The following FAT3 variants were observed in gnomAD, a reference collection of about 807,000 sequenced individuals.
The protein encoded by FAT3 is protocadherin Fat 3.
Under a neutral mutation model 310.2 loss-of-function variants are expected in FAT3, and 95 were observed. The ratio of observed to expected loss-of-function variants is 0.31; its 90% CI spans 0.26 to 0.36. The LOEUF is 0.36. Among genes scored for constraint, FAT3 ranks in the 10% least tolerant of loss-of-function variants. The pLI, the probability that FAT3 is intolerant of heterozygous loss-of-function variation, is 1.00. For synonymous variants in FAT3, 2,314 were observed against 2,192.9 expected (o/e 1.06, Z -1.54); for missense variants, 5,408 against 5,715.6 (o/e 0.95, Z 1.74).
Position 92,266,219 on chromosome 11 carries a change from A to C in FAT3, c.-18+41045A>C, listed in dbSNP as rs188627138. Among the ~76,000 whole-genome samples the C allele has an allele frequency of 3.2e-4, 48 of 152,304 alleles. No individual in the cohort carries two copies. The East Asian group carries it at 8.7e-3, about 28-fold the overall frequency. On this transcript the variant is annotated intron_variant, in intron 1 of 27. Transcript: ENST00000525166. ...AGACATTTCTCTTCGAAATTCATTGAAGTAGCTCTCTGAGCCATTCATATG... is the reference window on the plus strand; with the variant it reads ...AGACATTTCTCTTCGAAATTCATTGCAGTAGCTCTCTGAGCCATTCATATG...
intron 3 of FAT3, among the ~76,000 whole-genome samples, chr11:92,652,210 T>TGGCAGCCA (rs1184072783): frequency 1.2e-5 from 1 of 83,378 alleles, no homozygotes; most frequent in East Asian, 3.9e-4. Context: ...TCCCAGGCCT[T>TGGCAGCCA]GGCAGCCAAC....
chr11:92,422,119 T>C (rs1196174926), intron 2 of FAT3, among the ~76,000 whole-genome samples: 3 of 152,196 alleles, frequency 2.0e-5, no homozygotes, highest in Non-Finnish European at 4.4e-5. Context: ...GAGACGCACA[T>C]GTCTCAGGGA....
intron 2 of FAT3, among the ~76,000 whole-genome samples, chr11:92,519,336 A>G (rs1315468523): frequency 6.6e-6 from 1 of 152,108 alleles, no homozygotes; most frequent in East Asian, 1.9e-4. Context: ...ATGAACATCT[A>G]CATACAAAAA....
In FAT3 at chr11:92,799,504, G is replaced by A. The variant is rs1339663614; in HGVS notation, c.6491G>A (p.Gly2164Glu). 1 of 1,613,682 alleles carries A rather than the reference G, an allele frequency of 6.2e-7. No individual in the cohort carries two copies. Among genetic ancestry groups the A allele is most frequent in the South Asian group, 1.1e-5 (1 of 91,040 alleles). The change falls in exon 10 of 28, where the codon GGA (glycine) becomes GAA (glutamate). Residue 2164 changes from glycine (G) to glutamate (E), a missense_variant. By Grantham distance (98) the Gly-to-Glu change is moderately conservative. Around this residue, in one of 5 missense-constraint regions of FAT3, gnomAD observed 4,588 missense variants for 4,809.8 expected, o/e 0.95. Transcript: ENST00000525166. ...GTCACCATCCTAGCCAAGGATGGCG[G>A]AAAACCTTCTTTGTCTACATCTGTG... ...YGVTILAKDG[G>E]KPSLSTSVEL...
At chr11:92,422,488 G>A (rs866043739) in intron 2 of FAT3, among the ~76,000 whole-genome samples, 1 of 152,166 alleles carries the variant, frequency 6.6e-6, no homozygotes, top group Non-Finnish European at 1.5e-5. Flanking sequence ...GTAACTGACA[G>A]CATCTGTGAA....
intron 3 of FAT3, among the ~76,000 whole-genome samples, chr11:92,651,618 G>T (rs1942382704): frequency 6.6e-6 from 1 of 152,126 alleles, no homozygotes; most frequent in Non-Finnish European, 1.5e-5. Context: ...TTCTCAGTCA[G>T]TCTGAGTCAA....
intron 1 of FAT3, among the ~76,000 whole-genome samples, chr11:92,296,188 A>G (rs1349885099): frequency 6.6e-6 from 1 of 152,072 alleles, no homozygotes; most frequent in Admixed American, 6.6e-5. Flanking sequence ...TCCACTTCTA[A>G]TTCCTACACG....
intron 2 of FAT3, among the ~76,000 whole-genome samples, chr11:92,518,767 A>G (rs766360721): frequency 2.6e-5 from 4 of 152,180 alleles, no homozygotes; most frequent in South Asian, 2.1e-4. Flanking sequence ...AAATTAAACA[A>G]TTGACATTAA....
intron 1 of FAT3, among the ~76,000 whole-genome samples, chr11:92,275,224 G>A (rs1369800465): frequency 6.6e-6 from 1 of 152,002 alleles, no homozygotes; most frequent in East Asian, 1.9e-4. Context: ...TGCTGGATTA[G>A]GGATGCAGCC....
At chr11:92,297,454 A>C (rs763311587) in intron 1 of FAT3, among the ~76,000 whole-genome samples, 8 of 152,032 alleles carry the variant, frequency 5.3e-5, no homozygotes, top group Admixed American at 1.3e-4. Context: ...CCATACAATA[A>C]AGACTCATTA....
intron 4 of FAT3, among the ~76,000 whole-genome samples, chr11:92,735,557 CATAGATAGATAGATAGATAGATAG>C (rs35680919): frequency 2.7e-5 from 4 of 148,852 alleles, no homozygotes; most frequent in African/African-American, 9.9e-5. Context: ...GATGGATGAG[CATAGATAGATAGATAGATAGATAG>C]ATAGATAGAT....
chr11:92,435,189 T>C (rs1950897222), intron 2 of FAT3, among the ~76,000 whole-genome samples: 2 of 152,156 alleles, frequency 1.3e-5, no homozygotes, highest in Admixed American at 1.3e-4. Flanking sequence ...GGACAGGGGC[T>C]CAGATGTTGC....
intron 4 of FAT3, among the ~76,000 whole-genome samples, chr11:92,701,183 C>T (rs976335290): frequency 6.6e-6 from 1 of 152,168 alleles, no homozygotes; most frequent in Non-Finnish European, 1.5e-5. Context: ...AAAATTGACT[C>T]TTCTTGAAAG....
intron 6 of FAT3, among the ~76,000 whole-genome samples, chr11:92,768,487 ATT>A (rs1946377221): frequency 1.3e-5 from 2 of 152,116 alleles, no homozygotes; most frequent in African/African-American, 2.4e-5. Context: ...CATCAGAGTC[ATT>A]TTTTCTCAAT....
chr11:92,262,227 C>T (rs551757314), intron 1 of FAT3, among the ~76,000 whole-genome samples: 1 of 152,136 alleles, frequency 6.6e-6, no homozygotes, highest in African/African-American at 2.4e-5. Context: ...CCTCAACTGC[C>T]CTTGATTGGT....
intron 4 of FAT3, among the ~76,000 whole-genome samples, chr11:92,742,138 A>C (rs1243582391): frequency 6.6e-6 from 1 of 152,222 alleles, no homozygotes; most frequent in Non-Finnish European, 1.5e-5. Context: ...AGCTAACTGA[A>C]TGCAGGGGTG....
Position 92,660,928 on chromosome 11 carries a change from C to T in FAT3, c.3608-36456C>T, listed in dbSNP as rs1176588937. Among the ~76,000 whole-genome samples, 5 of 152,172 alleles carry T rather than the reference C, an allele frequency of 3.3e-5. No individual in the cohort carries two copies. The East Asian group carries it at 9.6e-4, about 29-fold the overall frequency. On this transcript the variant is annotated intron_variant, in intron 3 of 27. Transcript: ENST00000525166. The stretch of plus-strand genomic sequence containing the variant: ...TGTCTTCAAGGTGGTGATTTATCAG[C>T]ATTTAGGTCCAATGGCAATAAGAGT...
chr11:92,489,647 T>A (rs1178585141), intron 2 of FAT3, among the ~76,000 whole-genome samples: 1 of 152,146 alleles, frequency 6.6e-6, no homozygotes, highest in African/African-American at 2.4e-5. Context: ...TACTTTAATA[T>A]CTTTCCAAAT....
chr11:92,320,458 A>T (rs1244641988), intron 1 of FAT3, among the ~76,000 whole-genome samples: 1 of 152,212 alleles, frequency 6.6e-6, no homozygotes, highest in Non-Finnish European at 1.5e-5. Context: ...ATAGGTAACA[A>T]GTTCACTAGT....
Sources: gnomAD v4.1 joint callset for allele counts (sites outside exome capture counted in the v4.1 genomes callset) on GRCh38, gnomAD v4.1.1 for gene constraint, gnomAD v4.1.1 regional missense constraint, MANE v1.5 for transcripts, NCBI Gene and HGNC (gene_info 2026-07-23, HGNC 2026-07-21) for gene names.